Variants in CRPPA observed in about 807,000 individuals in gnomAD.
The protein encoded by CRPPA is CDP-L-ribitol pyrophosphorylase A.
Under a neutral mutation model 52.0 loss-of-function variants are expected in CRPPA, and 43 were observed. The observed-to-expected ratio is 0.83, with a 90% CI of 0.65 to 1.07. The LOEUF (loss-of-function observed/expected upper bound fraction) is 1.07, where lower values mean the gene tolerates loss of function less well. Ranked by LOEUF, CRPPA falls within the 50% of genes least tolerant of loss-of-function variation. The pLI, the probability that CRPPA is intolerant of heterozygous loss-of-function variation, is 0.00. For missense variants in CRPPA, 629 were observed against 551.7 expected, an observed-to-expected ratio of 1.14 and a Z score of -1.40; for synonymous variants, 250 against 203.5, an observed-to-expected ratio of 1.23 and a Z score of -1.94.
intron 3 of CRPPA, among the ~76,000 whole-genome samples, chr7:16,361,691 G>C (rs780610584): frequency 6.6e-6 from 1 of 152,132 alleles, no homozygotes; most frequent in Non-Finnish European, 1.5e-5. Flanking sequence ...TGGGAGGGAG[G>C]GGAAGAGGAG....
chr7:16,238,322 A>T (rs1290076364), intron 8 of CRPPA, among the ~76,000 whole-genome samples: 1 of 152,184 alleles, frequency 6.6e-6, no homozygotes, highest in African/African-American at 2.4e-5. Context: ...ATATTAAGTA[A>T]TCTATTAGGT....
intron 9 of CRPPA, among the ~76,000 whole-genome samples, chr7:16,151,632 C>T (rs1783077631): frequency 6.6e-6 from 1 of 151,920 alleles, no homozygotes; most frequent in African/African-American, 2.4e-5. Flanking sequence ...TCTTCCTAGA[C>T]ATTTTGAAGT....
chr7:16,151,898 C>T (rs969004780), intron 9 of CRPPA, among the ~76,000 whole-genome samples: 2 of 151,766 alleles, frequency 1.3e-5, no homozygotes, highest in African/African-American at 4.8e-5. Flanking sequence ...AAATTATACA[C>T]AATAAAGTTA....
chr7:16,400,063 G>A (rs1040510611), intron 2 of CRPPA, among the ~76,000 whole-genome samples: 1 of 152,072 alleles, frequency 6.6e-6, no homozygotes, highest in African/African-American at 2.4e-5. Context: ...TGATTGGCAC[G>A]TGATCGGCAA....
intron 2 of CRPPA, among the ~76,000 whole-genome samples, chr7:16,383,418 CA>C (rs1363421183): frequency 6.6e-6 from 1 of 152,184 alleles, no homozygotes; most frequent in Non-Finnish European, 1.5e-5. Context: ...GGGTGCCTCC[CA>C]GTTAGGCTGC....
intron 5 of CRPPA, among the ~76,000 whole-genome samples, chr7:16,294,107 T>C (rs1445016400): frequency 6.6e-6 from 1 of 151,972 alleles, no homozygotes; most frequent in Non-Finnish European, 1.5e-5. Flanking sequence ...TTTCAAAGTA[T>C]ATATTCTCTA....
intron 9 of CRPPA, among the ~76,000 whole-genome samples, chr7:16,168,193 T>C (rs550503999): frequency 2.6e-5 from 4 of 152,316 alleles, no homozygotes; most frequent in African/African-American, 9.6e-5. Context: ...GGTCAATATT[T>C]CCTTTGTGTG....
At chr7:16,129,780 G>T (rs183617389) in intron 9 of CRPPA, among the ~76,000 whole-genome samples, 16 of 152,232 alleles carry the variant, frequency 1.1e-4, no homozygotes, top group Non-Finnish European at 2.1e-4. Flanking sequence ...GTTTCAGGAT[G>T]CAACTTTTTT....
chr7:16,133,168 T>C (rs1782708476), intron 9 of CRPPA, among the ~76,000 whole-genome samples: 1 of 120,716 alleles, frequency 8.3e-6, no homozygotes, highest in Admixed American at 8.5e-5. Context: ...TAAAAAAAAG[T>C]TAGTTGGGTA....
chr7:16,158,703 T>A (rs1783238810), intron 9 of CRPPA, among the ~76,000 whole-genome samples: 1 of 152,234 alleles, frequency 6.6e-6, no homozygotes, highest in African/African-American at 2.4e-5. Flanking sequence ...AAGATACTCT[T>A]AAAACAGCAT....
chr7:16,309,101 T>C (rs935680725), intron 3 of CRPPA, among the ~76,000 whole-genome samples: 2 of 146,572 alleles, frequency 1.4e-5, no homozygotes, highest in African/African-American at 2.4e-5. Flanking sequence ...TATCAATATA[T>C]CTTTTAATTA....
At chr7:16,254,217 A>AC (rs1436281179) in intron 8 of CRPPA, among the ~76,000 whole-genome samples, 5 of 152,190 alleles carry the variant, frequency 3.3e-5, no homozygotes, top group African/African-American at 1.2e-4. Flanking sequence ...ATACCATTTA[A>AC]CCCAGAGATC....
chr7:16,277,364 C>CAAAAAAAAAAAAAAAAAAAAA (rs35386502), intron 6 of CRPPA: 1 of 77,740 alleles, frequency 1.3e-5, no homozygotes, highest in African/African-American at 5.0e-5. Context: ...GACTCCATCT[C>CAAAAAAAAAAAAAAAAAAAAA]AAAAAAAAAA....
chr7:16,189,801 A>G (rs1781571856), intron 9 of CRPPA, among the ~76,000 whole-genome samples: 2 of 152,206 alleles, frequency 1.3e-5, no homozygotes, highest in Non-Finnish European at 2.9e-5. Context: ...GTACAGAAAT[A>G]GAATACAGAC....
intron 9 of CRPPA, among the ~76,000 whole-genome samples, chr7:16,135,023 C>T (rs977766467): frequency 1.3e-5 from 2 of 152,090 alleles, no homozygotes; most frequent in African/African-American, 4.8e-5. Context: ...ATATTAAATT[C>T]ATAAATAACT....
At chr7:16,095,242 T>C (rs1781913703) in intron 9 of CRPPA, among the ~76,000 whole-genome samples, 1 of 152,228 alleles carries the variant, frequency 6.6e-6, no homozygotes, top group Non-Finnish European at 1.5e-5. Flanking sequence ...ACCATTTATA[T>C]ATTCCTTGAA....
At chr7:16,286,869 A>G (rs1054937358) in intron 5 of CRPPA, among the ~76,000 whole-genome samples, 1 of 152,184 alleles carries the variant, frequency 6.6e-6, no homozygotes, top group Non-Finnish European at 1.5e-5. Context: ...TTTTCAGTAT[A>G]GGGTTTCAGA....
chr7:16,278,342 T>C (rs777456339), intron 5 of CRPPA, 116 bp from the exon 6 acceptor site: 4 of 619,760 alleles, frequency 6.5e-6, no homozygotes, highest in African/African-American at 1.8e-5. Flanking sequence ...TAGGGAGGTT[T>C]TGATTTCAGG....
At chr7:16,108,200 A>G (rs1046122587) in intron 9 of CRPPA, among the ~76,000 whole-genome samples, 2 of 152,002 alleles carry the variant, frequency 1.3e-5, no homozygotes, top group African/African-American at 4.8e-5. Flanking sequence ...ATGTGTAATA[A>G]AACAAGATCC....
Sources: allele counts gnomAD v4.1 joint callset (sites outside exome capture counted in the v4.1 genomes callset), GRCh38; gene constraint gnomAD v4.1.1; transcripts MANE v1.5; gene names NCBI Gene and HGNC (gene_info 2026-07-23, HGNC 2026-07-21).